SLC15A5: variants seen among roughly 807,000 people sequenced by gnomAD.
The protein encoded by SLC15A5 is Peptide/histidine transporter ENSP00000340402.
In SLC15A5, 58 loss-of-function variants were observed where a neutral mutation model predicts 56.1. The observed-to-expected ratio is 1.03, with a 90% CI of 0.84 to 1.29. SLC15A5 has a LOEUF of 1.29. SLC15A5 is among the 50% of genes most tolerant of loss of function. The pLI is 0.00. For synonymous variants in SLC15A5, 264 were observed against 250.5 expected, an observed-to-expected ratio of 1.05 and a Z score of -0.51; for missense variants, 681 against 672.1, an observed-to-expected ratio of 1.01 and a Z score of -0.15.
rs781005966 is a variant in SLC15A5 at position 16,196,872 on chromosome 12, C to T, written c.1484-2419G>A. On this transcript the variant is annotated intron_variant, in intron 7 of 8. Transcript: ENST00000344941. The surrounding 1 kb of genome is among the most constrained non-coding windows in gnomAD (Gnocchi z 4.0). ...GAAATTGTTTCATTATGGCAAATAC[C>T]AGCCTTTTGGGAGATACTACTAGAT... Among the ~76,000 whole-genome samples the T allele has an allele frequency of 2.0e-5, 3 of 151,582 alleles. No individual in the cohort carries two copies. Among genetic ancestry groups the T allele is most frequent in the Non-Finnish European group, 4.4e-5 (3 of 67,884 alleles).
rs1175040263 is a variant in SLC15A5, at chr12:16,269,272, A to G, written c.584+3289T>C. Among the ~76,000 whole-genome samples the G allele has an allele frequency of 3.3e-5, 5 of 152,158 alleles. No individual in the cohort carries two copies. Among genetic ancestry groups the G allele is most frequent in the Admixed American group, 3.3e-4 (5 of 15,264 alleles). ...GGAGGTTCGAGGTGGGACCTGGGAA[A>G]CATTTTCAACAAGGTTCTCAAGTGA... is the stretch of plus-strand genomic sequence containing the variant. On this transcript the variant is annotated intron_variant, in intron 2 of 8. Coordinates refer to ENST00000344941, the MANE Select transcript of SLC15A5 (RefSeq NM_001170798.1). This position sits in a 1 kb window ranked among gnomAD's most constrained non-coding sequence, Gnocchi z 4.7.
At chr12:16,257,468 A>G (rs1864588224) in intron 3 of SLC15A5, among the ~76,000 whole-genome samples, 3 of 152,180 alleles carry the variant, frequency 2.0e-5, no homozygotes, top group Admixed American at 1.3e-4. Context: ...AGGAATCTCT[A>G]CCTCTCAACT....
At chr12:16,209,421 G>A (rs7955952) in intron 7 of SLC15A5, among the ~76,000 whole-genome samples, 80,037 of 151,772 alleles carry the variant, frequency 0.53, 21,521 homozygotes, top group South Asian at 0.74. Context: ...CTCACACTAT[G>A]TAATTTCATT....
intron 7 of SLC15A5, among the ~76,000 whole-genome samples, chr12:16,211,215 T>C (rs1187063660): frequency 1.3e-5 from 2 of 152,236 alleles, no homozygotes; most frequent in African/African-American, 2.4e-5. Flanking sequence ...TGAAATGCAG[T>C]TGGAATACTT....
At chr12:16,217,138 A>T (rs959732060) in intron 6 of SLC15A5, 114 bp from the exon 7 acceptor site, 2 of 1,195,170 alleles carry the variant, frequency 1.7e-6, no homozygotes, top group Non-Finnish European at 2.2e-6. Flanking sequence ...TACAATAAAA[A>T]TTTGGGTTGG....
intron 5 of SLC15A5, among the ~76,000 whole-genome samples, chr12:16,227,294 C>T (rs1465641022): frequency 6.6e-6 from 1 of 152,152 alleles, no homozygotes; most frequent in Non-Finnish European, 1.5e-5. Context: ...TATATAATCA[C>T]CTTTATCAAG....
intron 2 of SLC15A5, among the ~76,000 whole-genome samples, chr12:16,267,047 T>C (rs1864704154): frequency 6.6e-6 from 1 of 152,194 alleles, no homozygotes; most frequent in Non-Finnish European, 1.5e-5. Flanking sequence ...TATTTTGTCA[T>C]TTCTTAGACT....
rs548282980 is a variant in SLC15A5, at chr12:16,270,167, C to T, written c.584+2394G>A. 2.7e-4 allele frequency among the ~76,000 whole-genome samples: 41 copies of T among 152,262 alleles called. 2 individuals are homozygous for T. Among genetic ancestry groups the T allele is most frequent in the African/African-American group, 9.9e-4 (41 of 41,546 alleles). On this transcript the variant is annotated intron_variant, in intron 2 of 8. Transcript: ENST00000344941. ...TGGTTTTCTCACCTACATTTGGCAG[C>T]TTTACTCGGAAGTGGTGCTTTCAGT...
At chr12:16,222,489 T>C (rs549249421) in intron 6 of SLC15A5, among the ~76,000 whole-genome samples, 1 of 152,350 alleles carries the variant, frequency 6.6e-6, no homozygotes, top group African/African-American at 2.4e-5. Context: ...ATTATTTCTA[T>C]TTTAAATATC....
intron 7 of SLC15A5, among the ~76,000 whole-genome samples, chr12:16,204,942 G>T (rs750500167): frequency 1.3e-5 from 2 of 152,052 alleles, no homozygotes; most frequent in Non-Finnish European, 2.9e-5. Context: ...AAGGTGGACA[G>T]ATTTGATTAC....
intron 5 of SLC15A5, among the ~76,000 whole-genome samples, chr12:16,238,820 T>A (rs1256972934): frequency 2.6e-5 from 4 of 152,182 alleles, no homozygotes; most frequent in Non-Finnish European, 1.5e-5. Context: ...ATTAAATGTG[T>A]CCCCTGCACA....
intron 5 of SLC15A5, among the ~76,000 whole-genome samples, chr12:16,233,990 T>C (rs1044159682): frequency 6.6e-6 from 1 of 152,200 alleles, no homozygotes; most frequent in Non-Finnish European, 1.5e-5. Context: ...TTAGTTTGCT[T>C]GTGCTGTTAT....
intron 6 of SLC15A5, among the ~76,000 whole-genome samples, chr12:16,220,779 C>T (rs1015671396): frequency 3.3e-5 from 5 of 152,136 alleles, no homozygotes; most frequent in African/African-American, 1.2e-4. Context: ...CACTACTCAA[C>T]CACAGAGATG....
In SLC15A5 at chr12:16,272,697, C is replaced by T; in HGVS notation, c.448G>A (p.Glu150Lys). ...YHAVNNIPKT[E>K]QHRLFYVALL... ...GCTACATAAAACAGCCTGTGCTGCT[C>T]TGTTTTTGGTATGTTGTTAACTGCA... Residue 150 changes from glutamate to lysine, a missense_variant, in exon 2 of 9, where the codon GAG (glutamate) becomes AAG (lysine). Physicochemically the swap from Glu to Lys is moderately conservative, Grantham distance 56 (BLOSUM62 1). Transcript: ENST00000344941. 6.5e-7 allele frequency: 1 copy of T among 1,537,202 alleles called. No individual in the cohort carries two copies. The highest frequency in any genetic ancestry group is 8.7e-7 in the Non-Finnish European group (1 of 1,146,786).
intron 2 of SLC15A5, among the ~76,000 whole-genome samples, chr12:16,264,184 G>A (rs1864670551): frequency 6.6e-6 from 1 of 152,232 alleles, no homozygotes; most frequent in African/African-American, 2.4e-5. Context: ...CACAGGGGCA[G>A]AGTTGCTGAA....
rs529228990 is a variant in SLC15A5 at position 16,254,024 on chromosome 12, G to T, written c.754+3677C>A. 8.5e-5 allele frequency among the ~76,000 whole-genome samples: 13 copies of T among 152,196 alleles called. No homozygotes were observed. The South Asian group carries it at 2.7e-3, about 32-fold the overall frequency. On this transcript the variant is annotated intron_variant, in intron 3 of 8. Transcript: ENST00000344941. Reference sequence around the variant, plus strand: ...CATTATTTATATTTGCCAAGAGCTAGACACATCCCACATGTCCATTGTTAG... The same window carrying T: ...CATTATTTATATTTGCCAAGAGCTATACACATCCCACATGTCCATTGTTAG...
chr12:16,212,595 A>G (rs1230014708), intron 7 of SLC15A5, among the ~76,000 whole-genome samples: 3 of 152,194 alleles, frequency 2.0e-5, no homozygotes, highest in African/African-American at 7.2e-5. Flanking sequence ...GATAGTAATT[A>G]GGTGAATTGG....
intron 5 of SLC15A5, among the ~76,000 whole-genome samples, chr12:16,230,642 G>A (rs533606639): frequency 2.4e-4 from 36 of 152,046 alleles, no homozygotes; most frequent in Non-Finnish European, 4.4e-4. Flanking sequence ...GGCCGGGCGC[G>A]GTGGCTCACG....
At chr12:16,206,482 A>T (rs1032977349) in intron 7 of SLC15A5, among the ~76,000 whole-genome samples, 39 of 152,324 alleles carry the variant, frequency 2.6e-4, no homozygotes, top group African/African-American at 8.7e-4. Context: ...GAAGGAAATA[A>T]TACCTAACCA....
Sources: gnomAD v4.1 joint callset for allele counts (sites outside exome capture counted in the v4.1 genomes callset) on GRCh38, gnomAD v4.1.1 for gene constraint, Gnocchi (gnomAD v3.1) non-coding constraint, MANE v1.5 for transcripts, NCBI Gene and HGNC (gene_info 2026-07-23, HGNC 2026-07-21) for gene names.